The following DNAJC18 variants were observed in gnomAD, a reference collection of about 807,000 sequenced individuals.
DNAJC18 encodes dnaJ homolog subfamily C member 18.
A neutral mutation model predicts 48.6 loss-of-function variants in DNAJC18; 40 were observed. The observed-to-expected ratio is 0.82, with a 90% CI of 0.64 to 1.07. DNAJC18 has a LOEUF of 1.07. Ranked by LOEUF, DNAJC18 falls within the 50% of genes least tolerant of loss-of-function variation. DNAJC18 has a pLI of 0.00. For missense variants in DNAJC18, 340 were observed against 427.7 expected (o/e 0.79, Z 1.81); for synonymous variants, 135 against 152.2 (o/e 0.89, Z 0.83).
rs115869568 is a variant in DNAJC18, at chr5:139,437,283, T to C, written c.227+89A>G. 578 of 1,423,938 alleles carry C rather than the reference T, an allele frequency of 4.1e-4. 2 individuals are homozygous for C. In the African/African-American group the frequency reaches 7.6e-3, roughly 19 times the overall value. 88.2% of individuals were successfully genotyped at this position (1,423,938 alleles called of 1,614,324 possible). On this transcript the variant is annotated intron_variant, in intron 2 of 7. Coordinates refer to ENST00000302060, the MANE Select transcript of DNAJC18 (RefSeq NM_152686.4). The stretch of plus-strand genomic sequence containing the variant: ...CCTCAATTATCATCATCATCATCAT[T>C]ATCATCAGTCAATACTTACATAGCA...
At chr5:139,428,513 A>G (rs773952751) in intron 3 of DNAJC18, 25 bp downstream of exon 3, 2 of 1,599,490 alleles carry the variant, frequency 1.3e-6, no homozygotes, top group Non-Finnish European at 1.7e-6. Context: ...CAAGGGCACC[A>G]TTGAGCATTG....
Position 139,439,515 on chromosome 5 carries a change from G to C in DNAJC18, c.-70C>G. 6.2e-7 allele frequency: 1 copy of C among 1,611,702 alleles called. No homozygotes were observed. The highest frequency in any genetic ancestry group is 8.5e-7 in the Non-Finnish European group (1 of 1,178,796). On this transcript the variant is annotated 5_prime_UTR_variant, in exon 1 of 8. Transcript: ENST00000302060. The surrounding 1 kb of genome is among the most constrained non-coding windows in gnomAD (Gnocchi z 4.1). ...AGGCTGAAAGAGAAGGGGGCGCGGAGCGCGGGGCACGCTGGTCATTGTAGT... is the reference window on the plus strand; with the variant it reads ...AGGCTGAAAGAGAAGGGGGCGCGGACCGCGGGGCACGCTGGTCATTGTAGT...
At chr5:139,419,106 G>C (rs1354368037) in intron 7 of DNAJC18, 1 of 449,122 alleles carries the variant, frequency 2.2e-6, no homozygotes, top group South Asian at 1.6e-5. Flanking sequence ...TCAGTAATAA[G>C]GCTTTAGAAA....
intron 5 of DNAJC18, among the ~76,000 whole-genome samples, chr5:139,423,168 A>T (rs141636535): frequency 1.1e-4 from 16 of 152,250 alleles, no homozygotes; most frequent in Non-Finnish European, 1.9e-4. Flanking sequence ...CTTATTGAAA[A>T]TAAGATAGTT....
In DNAJC18 at chr5:139,425,262, CA is replaced by C. The variant is rs1188649922; in HGVS notation, c.560-149del. On this transcript the variant is annotated intron_variant, in intron 4 of 7. Transcript: ENST00000302060. ...CACTGCAACCTCTGCTTCCTGGGTT[CA>C]AGCGATTCTCCTGCCTCAGCATCCT... The C allele has an allele frequency of 1.5e-5, 8 of 516,668 alleles. No homozygotes were observed. The East Asian group carries it at 3.2e-4, about 21-fold the overall frequency. 32.0% of individuals were successfully genotyped at this position (516,668 alleles called of 1,614,324 possible). A position where few individuals can be genotyped will look rare whatever the true frequency, so the allele number is the denominator to read the frequency against.
intron 2 of DNAJC18, among the ~76,000 whole-genome samples, chr5:139,436,902 A>C (rs11242468): frequency 0.5 from 76,364 of 151,982 alleles, 22,481 homozygotes; most frequent in Non-Finnish European, 0.66. Flanking sequence ...CTAGTGATTT[A>C]TTCTGTGACT....
intron 7 of DNAJC18, among the ~76,000 whole-genome samples, chr5:139,417,117 G>A (rs1210402570): frequency 1.3e-5 from 2 of 151,686 alleles, no homozygotes; most frequent in African/African-American, 4.9e-5. Flanking sequence ...TTGAACCTGG[G>A]AGGTGGAGGT....
At chr5:139,433,534 G>A (rs933745702) in intron 2 of DNAJC18, among the ~76,000 whole-genome samples, 3 of 151,594 alleles carry the variant, frequency 2.0e-5, no homozygotes, top group Admixed American at 6.6e-5. Context: ...TGCTCACAAA[G>A]AGATGATTAG....
At chr5:139,433,136 A>C (rs1759355470) in intron 2 of DNAJC18, among the ~76,000 whole-genome samples, 1 of 152,204 alleles carries the variant, frequency 6.6e-6, no homozygotes, top group Admixed American at 6.5e-5. Context: ...CTGCACCCAT[A>C]TAAAAGCTTC....
chr5:139,431,673 G>A (rs1195645988), intron 2 of DNAJC18, among the ~76,000 whole-genome samples: 3 of 152,158 alleles, frequency 2.0e-5, no homozygotes, highest in Non-Finnish European at 4.4e-5. Context: ...TCATGTACAA[G>A]TTTTTTTGTG....
rs2152081740 is a variant in DNAJC18 at position 139,412,357 on chromosome 5, T to G, written c.*1791A>C. On this transcript the variant is annotated 3_prime_UTR_variant, in exon 8 of 8. Transcript: ENST00000302060. ...CTCACTGTAACCTCCACCTTGCAAG[T>G]TGCAGCGATTCTCATGCCTCAGCCT... The G allele has an allele frequency of 5.4e-6, 1 of 185,202 alleles. No individual in the cohort carries two copies. The highest frequency in any genetic ancestry group is 2.3e-5 in the African/African-American group (1 of 42,878). 11.5% of individuals were successfully genotyped at this position (185,202 alleles called of 1,614,324 possible). A position where few individuals can be genotyped will look rare whatever the true frequency, so the allele number is the denominator to read the frequency against.
Position 139,413,579 on chromosome 5 carries a change from A to G in DNAJC18, c.*569T>C, listed in dbSNP as rs1036558049. On this transcript the variant is annotated 3_prime_UTR_variant, in exon 8 of 8. Transcript: ENST00000302060. ...TCAAATTAGGCAGTTTGCTAATGCT[A>G]CTAACTGAGCAGAGATTGGAATAAT... The G allele has an allele frequency of 2.6e-5, 4 of 152,322 alleles. No individual in the cohort carries two copies. Among genetic ancestry groups the G allele is most frequent in the African/African-American group, 9.7e-5 (4 of 41,448 alleles). The allele number at this position is 152,322 out of a possible 1,614,324, so 9.4% of individuals were successfully genotyped here.
chr5:139,437,588 C>G, intron 1 of DNAJC18, 30 bp from the exon 2 acceptor site: 1 of 1,575,872 alleles, frequency 6.3e-7, no homozygotes, highest in Non-Finnish European at 8.6e-7. Context: ...CATTAGGTCT[C>G]CATCTGACCC....
In DNAJC18 at chr5:139,426,156, A is replaced by C; in HGVS notation, c.559+16T>G. Reference sequence around the variant, plus strand: ...TAAAGAAATATGTTTAAGAATGATAATTTGGGGAGACTAACCTGTAGGAAA... The same window carrying C: ...TAAAGAAATATGTTTAAGAATGATACTTTGGGGAGACTAACCTGTAGGAAA... On this transcript the variant is annotated intron_variant, in intron 4 of 7. Transcript: ENST00000302060. 6.2e-7 allele frequency: 1 copy of C among 1,608,078 alleles called. No individual in the cohort carries two copies. Among genetic ancestry groups the C allele is most frequent in the Non-Finnish European group, 8.5e-7 (1 of 1,178,142 alleles).
At chr5:139,416,993 G>A (rs1373749648) in intron 7 of DNAJC18, among the ~76,000 whole-genome samples, 1 of 152,142 alleles carries the variant, frequency 6.6e-6, no homozygotes, top group Non-Finnish European at 1.5e-5. Context: ...TTCGAGACCA[G>A]CCTGACCAAC....
intron 5 of DNAJC18, 30 bp from the exon 6 acceptor site, chr5:139,422,847 T>G: frequency 2.0e-6 from 3 of 1,503,112 alleles, no homozygotes; most frequent in East Asian, 2.3e-5. Context: ...AAAAACTTGC[T>G]GTAAGTGTTC....
In DNAJC18 at chr5:139,413,961, C is replaced by T; in HGVS notation, c.*187G>A. 3.8e-6 allele frequency: 3 copies of T among 793,536 alleles called. No homozygotes were observed. The highest frequency in any genetic ancestry group is 3.9e-5 in the South Asian group (2 of 51,600). 49.2% of individuals were successfully genotyped at this position (793,536 alleles called of 1,614,324 possible). A position where few individuals can be genotyped will look rare whatever the true frequency, so the allele number is the denominator to read the frequency against. Reference sequence around the variant, plus strand: ...ACTACTCCTGGTCCCTGGAGCCACTCCCCAGGAAGGATCCTGTGAAGACAC... The same window carrying T: ...ACTACTCCTGGTCCCTGGAGCCACTTCCCAGGAAGGATCCTGTGAAGACAC... On this transcript the variant is annotated 3_prime_UTR_variant, in exon 8 of 8. Transcript: ENST00000302060.
chr5:139,437,470 C>T lies in DNAJC18; in HGVS notation c.129G>A (p.Lys43=), dbSNP rs765439245. 20 of 1,614,168 alleles carry T rather than the reference C, an allele frequency of 1.2e-5. No homozygotes were observed. In the South Asian group the frequency reaches 2.1e-4, roughly 17 times the overall value. Residue 43 remains lysine (K), a synonymous_variant, in exon 2 of 8, where the codon AAG becomes AAA. Coordinates refer to ENST00000302060, the MANE Select transcript of DNAJC18 (RefSeq NM_152686.4). ...HDPCGCCNCM[K]AQKEKKSENE... ...TCTCAGACTTCTTTTCCTTTTGTGC[C>T]TTCATGCAGTTACAGCAGCCACAGG...
At chr5:139,423,100 G>A (rs560112241) in intron 5 of DNAJC18, among the ~76,000 whole-genome samples, 1 of 152,254 alleles carries the variant, frequency 6.6e-6, no homozygotes, top group African/African-American at 2.4e-5. Context: ...CCAGAGTGCT[G>A]GGATTACAGG....
Sources: gnomAD v4.1 joint callset for allele counts (sites outside exome capture counted in the v4.1 genomes callset) on GRCh38, gnomAD v4.1.1 for gene constraint, Gnocchi (gnomAD v3.1) non-coding constraint, MANE v1.5 for transcripts, NCBI Gene and HGNC (gene_info 2026-07-23, HGNC 2026-07-21) for gene names.